Variants in CCNY observed in about 807,000 individuals in gnomAD.
The protein encoded by CCNY is cyclin Y.
CCNY carries 19 observed loss-of-function variants against 42.8 expected under a neutral mutation model. The ratio of observed to expected loss-of-function variants is 0.44; its 90% CI spans 0.31 to 0.65. The LOEUF is 0.65. CCNY is among the 30% of genes least tolerant of loss of function. CCNY has a pLI of 0.07. For missense variants in CCNY, 370 were observed against 437.3 expected, an observed-to-expected ratio of 0.85 and a Z score of 1.37; for synonymous variants, 165 against 162.7, an observed-to-expected ratio of 1.01 and a Z score of -0.11.
At chr10:35,465,938 A>AGAGAGAGAGAGAGAGAGAGAGAGAGTGT in intron 1 of CCNY, among the ~76,000 whole-genome samples, 10 of 80,954 alleles carry the variant, frequency 1.2e-4, no homozygotes, top group African/African-American at 2.2e-4. Flanking sequence ...AGAGAGAGAG[A>AGAGAGAGAGAGAGAGAGAGAGAGAGTGT]GTGTGTGTGT....
chr10:35,556,284 C>G (rs368800228), intron 8 of CCNY, among the ~76,000 whole-genome samples: 1 of 152,140 alleles, frequency 6.6e-6, no homozygotes, highest in Non-Finnish European at 1.5e-5. Flanking sequence ...TTCCACTGCC[C>G]TCTGTCAGGC....
chr10:35,312,242 G>A lies in CCNY; in HGVS notation c.-9+61616G>A, dbSNP rs947562305. On this transcript the variant is annotated intron_variant, in intron 3 of 11. Transcript: ENST00000374706. ...AACACAAAAACAAAATTAGCCGGGT[G>A]TGGTGGTGGGCACCTGTAGTCCCAG... Among the ~76,000 whole-genome samples, 4 of 151,600 alleles carry A rather than the reference G, an allele frequency of 2.6e-5. No individual in the cohort carries two copies. In the East Asian group the frequency reaches 7.8e-4, roughly 30 times the overall value.
chr10:35,568,961 G>C (rs1841627897), intron 9 of CCNY, 93 bp from the exon 10 acceptor site: 6 of 797,386 alleles, frequency 7.5e-6, no homozygotes, highest in Non-Finnish European at 1.1e-5. Context: ...GGCTCTGCCT[G>C]TCCCTCATGC....
chr10:35,480,978 A>G (rs1242236783), intron 1 of CCNY, among the ~76,000 whole-genome samples: 2 of 152,186 alleles, frequency 1.3e-5, no homozygotes, highest in Admixed American at 1.3e-4. Context: ...AAACAAAAAA[A>G]CAAACCAATG....
At chr10:35,281,920 A>C (rs879686138) in intron 3 of CCNY, among the ~76,000 whole-genome samples, 1 of 152,150 alleles carries the variant, frequency 6.6e-6, no homozygotes, top group Non-Finnish European at 1.5e-5. Context: ...TAGAATAAAC[A>C]AGATCTGCAT....
intron 1 of CCNY, among the ~76,000 whole-genome samples, chr10:35,373,167 G>A (rs943548934): frequency 1.3e-5 from 2 of 152,190 alleles, no homozygotes; most frequent in Non-Finnish European, 2.9e-5. Context: ...TCCTGGCCCT[G>A]CTTCTTCCTG....
chr10:35,316,731 C>T (rs911027380), intron 3 of CCNY, among the ~76,000 whole-genome samples: 1 of 152,144 alleles, frequency 6.6e-6, no homozygotes, highest in Middle Eastern at 3.2e-3. Flanking sequence ...GCAATAGCCA[C>T]AGCAATGAAA....
intron 1 of CCNY, 45 bp from the exon 2 acceptor site, chr10:35,483,354 CTTAGT>C: frequency 2.5e-6 from 3 of 1,216,714 alleles, no homozygotes; most frequent in Non-Finnish European, 3.6e-6. Flanking sequence ...CTTGATTCCT[CTTAGT>C]TATCAGATGG....
chr10:35,309,463 C>A (rs546171745), intron 3 of CCNY, among the ~76,000 whole-genome samples: 1 of 152,238 alleles, frequency 6.6e-6, no homozygotes, highest in East Asian at 1.9e-4. Flanking sequence ...CTGGGTGTCA[C>A]CCGGGCTGAA....
intron 3 of CCNY, among the ~76,000 whole-genome samples, chr10:35,304,084 T>C (rs1471994123): frequency 2.0e-5 from 3 of 152,120 alleles, no homozygotes; most frequent in South Asian, 2.1e-4. Context: ...CACCCGTGAA[T>C]GGGCTTCTGG....
intron 1 of CCNY, among the ~76,000 whole-genome samples, chr10:35,441,314 CAA>C (rs1838662219): frequency 1.3e-5 from 2 of 152,316 alleles, no homozygotes; most frequent in Non-Finnish European, 2.9e-5. Context: ...GGAACAGAGA[CAA>C]GATGAATAAG....
chr10:35,551,530 G>A (rs1176141335), intron 7 of CCNY, among the ~76,000 whole-genome samples: 1 of 149,356 alleles, frequency 6.7e-6, no homozygotes, highest in Non-Finnish European at 1.5e-5. Context: ...GTTTAATTTT[G>A]TTTTTTTTTC....
intron 7 of CCNY, among the ~76,000 whole-genome samples, chr10:35,547,673 A>G (rs987183476): frequency 2.0e-5 from 3 of 152,116 alleles, no homozygotes; most frequent in African/African-American, 7.2e-5. Flanking sequence ...CTGCCCTTTC[A>G]TAGCTCTTTC....
chr10:35,275,490 G>A (rs1250259573), intron 3 of CCNY, among the ~76,000 whole-genome samples: 2 of 151,374 alleles, frequency 1.3e-5, no homozygotes, highest in Admixed American at 6.6e-5. Context: ...TCGGCTGGGC[G>A]CGGTGGCTCA....
chr10:35,521,733 T>TG, intron 4 of CCNY, among the ~76,000 whole-genome samples: 1 of 152,194 alleles, frequency 6.6e-6, no homozygotes, highest in Non-Finnish European at 1.5e-5. Context: ...TGGCTATCTA[T>TG]GCCCCTGCTT....
Position 35,530,292 on chromosome 10 carries a change from G to C in CCNY, c.579+49G>C. 1 of 1,611,462 alleles carries C rather than the reference G, an allele frequency of 6.2e-7. No homozygotes were observed. The highest frequency in any genetic ancestry group is 8.5e-7 in the Non-Finnish European group (1 of 1,179,056). On this transcript the variant is annotated intron_variant, in intron 7 of 9. Transcript: ENST00000374704. This position sits in a 1 kb window ranked among gnomAD's most constrained non-coding sequence, Gnocchi z 4.3. ...ACCCATCCCCAGCCGAGGTGGTCCA[G>C]GGCCCGTTCCTGTTACTCAGCGGAG...
At chr10:35,461,862 C>G (rs1053516274) in intron 1 of CCNY, among the ~76,000 whole-genome samples, 1 of 152,012 alleles carries the variant, frequency 6.6e-6, no homozygotes, top group Non-Finnish European at 1.5e-5. Context: ...TCATTTGTCC[C>G]TGATGTTATT....
At position 35,337,062 on chromosome 10, in the gene CCNY, C is replaced by T. The variant is rs1360940536; in HGVS notation, c.9C>T (p.Asn3=). MG[N]TTSCCVSSSP... Reference sequence around the variant, plus strand: ...TCGGGGGGCCGCCGAAGATGGGGAACACTACCTCGTGCTGCGTGTCGTCCA... The same window carrying T: ...TCGGGGGGCCGCCGAAGATGGGGAATACTACCTCGTGCTGCGTGTCGTCCA... Residue 3 remains asparagine, a synonymous_variant, in exon 1 of 10, where the codon AAC becomes AAT. Transcript: ENST00000374704. The T allele has an allele frequency of 6.3e-6, 10 of 1,580,836 alleles. No homozygotes were observed. The highest frequency in any genetic ancestry group is 2.8e-5 in the African/African-American group (2 of 71,922).
chr10:35,376,615 A>G (rs976928970), intron 1 of CCNY, among the ~76,000 whole-genome samples: 1 of 152,244 alleles, frequency 6.6e-6, no homozygotes. Context: ...TGATAAGCAT[A>G]TAATGCATAT....
Sources: gnomAD v4.1 joint callset for allele counts (sites outside exome capture counted in the v4.1 genomes callset) on GRCh38, gnomAD v4.1.1 for gene constraint, Gnocchi (gnomAD v3.1) non-coding constraint, MANE v1.5 for transcripts, NCBI Gene and HGNC (gene_info 2026-07-23, HGNC 2026-07-21) for gene names.